The following CELF4 variants were observed in gnomAD, a reference collection of about 807,000 sequenced individuals.
The protein encoded by CELF4 is CUG-BP- and ETR-3-like factor 4.
In CELF4, 18 loss-of-function variants were observed where a neutral mutation model predicts 59.9. The observed-to-expected ratio is 0.30, with a 90% CI of 0.21 to 0.45. The LOEUF (loss-of-function observed/expected upper bound fraction) is 0.45, where lower values mean the gene tolerates loss of function less well. Ranked by LOEUF, CELF4 falls within the 20% of genes least tolerant of loss-of-function variation. The probability of loss-of-function intolerance (pLI) is 1.00; values close to 1 mark genes in which losing one functional copy is unlikely to be tolerated. For missense variants in CELF4, 456 were observed against 689.0 expected (o/e 0.66, Z 3.79); for synonymous variants, 261 against 267.1 (o/e 0.98, Z 0.22).
chr18:37,247,869 C>T (rs1407906672), intron 12 of CELF4, among the ~76,000 whole-genome samples: 1 of 152,180 alleles, frequency 6.6e-6, no homozygotes, highest in Non-Finnish European at 1.5e-5. Flanking sequence ...TGCTTTTCAT[C>T]ACCCTTGATT....
At chr18:37,281,325 TTTCACA>T (rs1440615141) in intron 3 of CELF4, among the ~76,000 whole-genome samples, 1 of 152,218 alleles carries the variant, frequency 6.6e-6, no homozygotes, top group African/African-American at 2.4e-5. Flanking sequence ...CCAGTTTAAT[TTTCACA>T]ATTTGATTCA....
chr18:37,287,271 G>A (rs1322397943), intron 3 of CELF4, among the ~76,000 whole-genome samples: 1 of 152,234 alleles, frequency 6.6e-6, no homozygotes, highest in South Asian at 2.1e-4. Context: ...CAGGCTGCTC[G>A]TCTCTCCTCA....
chr18:37,254,270 T>G lies in CELF4; in HGVS notation c.1334-332A>C, dbSNP rs2067683570. 6.7e-6 allele frequency among the ~76,000 whole-genome samples: 1 copy of G among 150,346 alleles called. No individual in the cohort carries two copies. The highest frequency in any genetic ancestry group is 2.4e-5 in the African/African-American group (1 of 40,898). Reference sequence around the variant, plus strand: ...CCCCACCCCCGCCGGCCCCGGCACCTCAGCCCTCGCCTCGGCGGGAGAGGG... The same window carrying G: ...CCCCACCCCCGCCGGCCCCGGCACCGCAGCCCTCGCCTCGGCGGGAGAGGG... On this transcript the variant is annotated intron_variant, in intron 11 of 12. Transcript: ENST00000420428. This position sits in a 1 kb window ranked among gnomAD's most constrained non-coding sequence, Gnocchi z 5.1.
chr18:37,284,971 C>T (rs2094583754), intron 3 of CELF4, among the ~76,000 whole-genome samples: 2 of 152,188 alleles, frequency 1.3e-5, no homozygotes, highest in South Asian at 2.1e-4. Flanking sequence ...AGGAGGGTAC[C>T]GCCTGGAGTT....
At chr18:37,269,217 C>G (rs1479930015) in intron 8 of CELF4, among the ~76,000 whole-genome samples, 1 of 152,132 alleles carries the variant, frequency 6.6e-6, no homozygotes, top group Admixed American at 6.5e-5. Context: ...TTAAACAACA[C>G]TCCAGATCAT....
At chr18:37,431,362 C>CTTTTTTTT (rs35971960) in intron 2 of CELF4, among the ~76,000 whole-genome samples, 30 of 81,550 alleles carry the variant, frequency 3.7e-4, no homozygotes, top group East Asian at 1.2e-3. Flanking sequence ...CCTTTCTTTC[C>CTTTTTTTT]TTTTTTTTTT....
chr18:37,300,686 G>A (rs944747292), intron 3 of CELF4, among the ~76,000 whole-genome samples: 14 of 152,332 alleles, frequency 9.2e-5, no homozygotes, highest in African/African-American at 2.6e-4. Flanking sequence ...AAGTGACAAG[G>A]GATGGATAAT....
intron 2 of CELF4, among the ~76,000 whole-genome samples, chr18:37,393,853 C>A (rs2099199723): frequency 7.0e-6 from 1 of 142,336 alleles, no homozygotes; most frequent in Middle Eastern, 3.6e-3. Flanking sequence ...TTCCTTTACG[C>A]GGCTTTTTTT....
chr18:37,475,548 G>C (rs2099846427), intron 2 of CELF4, among the ~76,000 whole-genome samples: 1 of 152,208 alleles, frequency 6.6e-6, no homozygotes, highest in African/African-American at 2.4e-5. Flanking sequence ...GGAGCTTGGG[G>C]CTAGGTCCTG....
intron 1 of CELF4, among the ~76,000 whole-genome samples, chr18:37,523,929 G>GT (rs1272303690): frequency 2.6e-5 from 4 of 152,216 alleles, no homozygotes. Flanking sequence ...CAAAACGCCT[G>GT]CCCTTTGCAT....
At chr18:37,381,836 G>A (rs1018139353) in intron 2 of CELF4, among the ~76,000 whole-genome samples, 3 of 152,106 alleles carry the variant, frequency 2.0e-5, no homozygotes, top group Admixed American at 1.3e-4. Context: ...GTTCCTGTGC[G>A]GTCCCAGTCT....
At chr18:37,305,048 G>A (rs1029088351) in intron 3 of CELF4, among the ~76,000 whole-genome samples, 1 of 152,200 alleles carries the variant, frequency 6.6e-6, no homozygotes, top group Admixed American at 6.5e-5. Flanking sequence ...ACAGCGTGGA[G>A]GGGAACAGGA....
intron 1 of CELF4, among the ~76,000 whole-genome samples, chr18:37,535,731 C>T (rs989825417): frequency 2.0e-5 from 3 of 152,186 alleles, no homozygotes; most frequent in Non-Finnish European, 2.9e-5. Flanking sequence ...GGGGCGGCCA[C>T]CAGGAGGCCA....
intron 3 of CELF4, among the ~76,000 whole-genome samples, chr18:37,286,097 G>C (rs1056241020): frequency 1.3e-5 from 2 of 152,084 alleles, no homozygotes; most frequent in Admixed American, 6.6e-5. Context: ...CAGCATGGGC[G>C]GGGGGAGGTT....
intron 2 of CELF4, among the ~76,000 whole-genome samples, chr18:37,380,038 G>C (rs1569568195): frequency 6.6e-6 from 1 of 152,178 alleles, no homozygotes; most frequent in South Asian, 2.1e-4. Flanking sequence ...CACTGAACCA[G>C]AGCCAGGCCC....
chr18:37,323,003 C>T (rs1022958502), intron 2 of CELF4, among the ~76,000 whole-genome samples: 5 of 152,170 alleles, frequency 3.3e-5, no homozygotes, highest in Non-Finnish European at 7.3e-5. Context: ...GCTTTGAGAC[C>T]TTCCGTTGCC....
intron 1 of CELF4, among the ~76,000 whole-genome samples, chr18:37,543,329 G>A (rs2099979056): frequency 6.6e-6 from 1 of 152,120 alleles, no homozygotes; most frequent in Non-Finnish European, 1.5e-5. Flanking sequence ...CCAAACCCAG[G>A]CCGTACCCTG....
At chr18:37,556,957 G>T (rs1312768866) in intron 1 of CELF4, among the ~76,000 whole-genome samples, 1 of 152,164 alleles carries the variant, frequency 6.6e-6, no homozygotes, top group East Asian at 1.9e-4. Flanking sequence ...ATCTTAAGAA[G>T]TGGCTTCTTT....
At chr18:37,538,688 G>T (rs1326921342) in intron 1 of CELF4, among the ~76,000 whole-genome samples, 1 of 152,198 alleles carries the variant, frequency 6.6e-6, no homozygotes, top group Admixed American at 6.5e-5. Context: ...TCCCAGGTGA[G>T]ACTTTAGATC....
Sources: allele counts gnomAD v4.1 joint callset (sites outside exome capture counted in the v4.1 genomes callset), GRCh38; gene constraint gnomAD v4.1.1; non-coding constraint Gnocchi (gnomAD v3.1); transcripts MANE v1.5; gene names NCBI Gene and HGNC (gene_info 2026-07-23, HGNC 2026-07-21).